The following GLIS1 variants were observed in gnomAD, a reference collection of about 807,000 sequenced individuals.
GLIS1 encodes the protein GLIS family zinc finger 1.
GLIS1 carries 24 observed loss-of-function variants against 63.8 expected under a neutral mutation model. The observed-to-expected ratio is 0.38, with a 90% CI of 0.27 to 0.53. The LOEUF (loss-of-function observed/expected upper bound fraction) is 0.53, where lower values mean the gene tolerates loss of function less well. Among genes scored for constraint, GLIS1 ranks in the 20% least tolerant of loss-of-function variants. The pLI is 0.85. For synonymous variants in GLIS1, 450 were observed against 482.5 expected, an observed-to-expected ratio of 0.93 and a Z score of 0.88; for missense variants, 1,036 against 1,074.1, an observed-to-expected ratio of 0.96 and a Z score of 0.50.
In GLIS1 at chr1:53,688,054, G is replaced by A. The variant is rs545166666; in HGVS notation, c.259+49752C>T. Among the ~76,000 whole-genome samples the A allele has an allele frequency of 1.1e-4, 13 of 119,306 alleles. 1 individual carries two copies. In the South Asian group the frequency reaches 2.1e-3, roughly 20 times the overall value. 78.3% of individuals were successfully genotyped at this position (119,306 alleles called of 152,430 possible). ...GCTGTGCTGTCGAGGCTGAGGAACC[G>A]GGGCTGCCTTGCTGGAGGCCAGACT... On this transcript the variant is annotated intron_variant, in intron 2 of 10. Transcript: ENST00000628545.
At chr1:53,644,760 G>T (rs754453128) in intron 2 of GLIS1, among the ~76,000 whole-genome samples, 1 of 152,146 alleles carries the variant, frequency 6.6e-6, no homozygotes, top group African/African-American at 2.4e-5. Context: ...CCGGGGTCCG[G>T]CATCATCCCA....
In GLIS1 at chr1:53,520,620, C is replaced by CAGGTA; in HGVS notation, c.1726+13_1726+14insTACCT. 1 of 1,599,312 alleles carries CAGGTA rather than the reference C, an allele frequency of 6.3e-7. No homozygotes were observed. On this transcript the variant is annotated intron_variant, in intron 7 of 10. Transcript: ENST00000628545. Reference sequence around the variant, plus strand: ...CTGGGCTACGCCCCTGGCCCTGCCTCCCCGCACACGTACCTGGGAGCAGCT... The same window carrying CAGGTA: ...CTGGGCTACGCCCCTGGCCCTGCCTCAGGTACCCGCACACGTACCTGGGAGCAGCT...
At chr1:53,541,595 C>A (rs1356237965) in intron 4 of GLIS1, among the ~76,000 whole-genome samples, 1 of 152,252 alleles carries the variant, frequency 6.6e-6, no homozygotes, top group East Asian at 1.9e-4. Context: ...ATCAGCCCTG[C>A]ACACGCACTC....
At chr1:53,621,718 C>A (rs561518873) in intron 2 of GLIS1, among the ~76,000 whole-genome samples, 1 of 152,138 alleles carries the variant, frequency 6.6e-6, no homozygotes, top group Non-Finnish European at 1.5e-5. Context: ...TTAAAATGGT[C>A]AAAATCAAGG....
intron 5 of GLIS1, among the ~76,000 whole-genome samples, chr1:53,527,615 C>T (rs1644484464): frequency 6.6e-6 from 1 of 152,254 alleles, no homozygotes; most frequent in Non-Finnish European, 1.5e-5. Context: ...GAGAATCCCA[C>T]ATTCTCCAAT....
rs376288261 is a variant in GLIS1 at position 53,594,548 on chromosome 1, G to A, written c.880C>T (p.Arg294Trp). 4.7e-5 allele frequency: 76 copies of A among 1,602,772 alleles called. 1 individual carries two copies. The highest frequency in any genetic ancestry group is 3.0e-4 in the South Asian group (27 of 90,784). ...LTGDLGGPSK[R>W]ARPGPASTDS... ...GTCGATGCAGGGCCAGGCCGGGCCC[G>A]CTTGGAAGGGCCCCCCAGATCTCCC... The change falls in exon 4 of 11, where the codon CGG (arginine) becomes TGG (tryptophan). Residue 294 changes from arginine (R) to tryptophan (W), a missense_variant. Physicochemically the swap from Arg to Trp is moderately radical, Grantham distance 101. Transcript: ENST00000628545.
At chr1:53,682,490 C>G (rs1391714457) in intron 2 of GLIS1, among the ~76,000 whole-genome samples, 1 of 152,236 alleles carries the variant, frequency 6.6e-6, no homozygotes, top group African/African-American at 2.4e-5. Flanking sequence ...TATGTGTCCC[C>G]ATAAGGGATG....
In GLIS1 at chr1:53,723,568, G is replaced by A. The variant is rs191684516; in HGVS notation, c.259+14238C>T. 5.5e-3 allele frequency among the ~76,000 whole-genome samples: 843 copies of A among 152,162 alleles called. 3 individuals are homozygous for A. The highest frequency in any genetic ancestry group is 8.1e-3 in the South Asian group (39 of 4,818). On this transcript the variant is annotated intron_variant, in intron 2 of 10. Transcript: ENST00000628545. ...AATGTAAGTAATAAGACTATATTCA[G>A]AATGATCTCAATGATATAAAACTAT...
chr1:53,692,674 G>T (rs1266807329), intron 2 of GLIS1, among the ~76,000 whole-genome samples: 2 of 152,192 alleles, frequency 1.3e-5, no homozygotes, highest in Non-Finnish European at 1.5e-5. Context: ...GAGTGGAAGT[G>T]GGGGACCCTG....
At chr1:53,641,472 G>A (rs1373111466) in intron 2 of GLIS1, among the ~76,000 whole-genome samples, 1 of 152,322 alleles carries the variant, frequency 6.6e-6, no homozygotes, top group East Asian at 1.9e-4. Flanking sequence ...TGAGCACTCT[G>A]AGAAGAGCCT....
chr1:53,669,277 C>T (rs1029262772), intron 2 of GLIS1, among the ~76,000 whole-genome samples: 2 of 152,214 alleles, frequency 1.3e-5, no homozygotes, highest in Non-Finnish European at 2.9e-5. Context: ...GCCATGGGGG[C>T]TACAGTGGGG....
chr1:53,634,393 A>C (rs1645701498), intron 2 of GLIS1, among the ~76,000 whole-genome samples: 1 of 152,194 alleles, frequency 6.6e-6, no homozygotes, highest in Admixed American at 6.5e-5. Flanking sequence ...AATGTTTAGA[A>C]GTCAGGGAGT....
intron 2 of GLIS1, chr1:53,734,319 A>G: frequency 2.3e-6 from 1 of 442,390 alleles, no homozygotes; most frequent in Non-Finnish European, 3.0e-6. Context: ...TTTTCTAACT[A>G]TGGCATAGAT....
intron 4 of GLIS1, among the ~76,000 whole-genome samples, chr1:53,531,413 C>T (rs905541441): frequency 2.0e-5 from 3 of 152,144 alleles, no homozygotes; most frequent in Non-Finnish European, 4.4e-5. Flanking sequence ...GGCTCACCTG[C>T]GGGGAGTAGG....
chr1:53,639,373 G>A lies in GLIS1; in HGVS notation c.260-39095C>T, dbSNP rs964288196. Among the ~76,000 whole-genome samples, 2 of 152,044 alleles carry A rather than the reference G, an allele frequency of 1.3e-5. No individual in the cohort carries two copies. The highest frequency in any genetic ancestry group is 4.8e-5 in the African/African-American group (2 of 41,400). On this transcript the variant is annotated intron_variant, in intron 2 of 10. Transcript: ENST00000628545. This position sits in a 1 kb window ranked among gnomAD's most constrained non-coding sequence, Gnocchi z 4.6. ...TCTCCTTCCCATCTCCCATTGGCCC[G>A]CAGGGTGGCAGCAGCCGTCTGGGAG...
At chr1:53,710,314 G>A (rs1204183072) in intron 2 of GLIS1, among the ~76,000 whole-genome samples, 1 of 152,272 alleles carries the variant, frequency 6.6e-6, no homozygotes, top group Non-Finnish European at 1.5e-5. Flanking sequence ...CGGCCGCAGG[G>A]CCATAGCGTG....
intron 2 of GLIS1, among the ~76,000 whole-genome samples, chr1:53,613,992 C>T (rs373858302): frequency 3.3e-5 from 5 of 152,144 alleles, no homozygotes; most frequent in African/African-American, 9.7e-5. Context: ...TAATTATAAG[C>T]GCAGGATTCA....
At chr1:53,723,241 T>C (rs879356030) in intron 2 of GLIS1, among the ~76,000 whole-genome samples, 3 of 80,956 alleles carry the variant, frequency 3.7e-5, no homozygotes, top group African/African-American at 1.2e-4. Context: ...TTTATTTACT[T>C]TTTTTTTTTT....
intron 4 of GLIS1, among the ~76,000 whole-genome samples, chr1:53,573,189 T>C (rs1355586467): frequency 6.6e-6 from 1 of 152,202 alleles, no homozygotes; most frequent in East Asian, 1.9e-4. Flanking sequence ...AATTACCAAG[T>C]GGCAGGCCAG....
Sources: gnomAD v4.1 joint callset for allele counts (sites outside exome capture counted in the v4.1 genomes callset) on GRCh38, gnomAD v4.1.1 for gene constraint, Gnocchi (gnomAD v3.1) non-coding constraint, MANE v1.5 for transcripts, NCBI Gene and HGNC (gene_info 2026-07-23, HGNC 2026-07-21) for gene names.